Variants in CES3 observed in about 807,000 individuals in gnomAD.
CES3 encodes the protein carboxylesterase 3 (brain).
In CES3, 49 loss-of-function variants were observed where a neutral mutation model predicts 57.6. The ratio of observed to expected loss-of-function variants is 0.85; its 90% confidence interval spans 0.68 to 1.08. The LOEUF is 1.08. Ranked by LOEUF, CES3 falls within the 50% of genes least tolerant of loss-of-function variation. The pLI, the probability that CES3 is intolerant of heterozygous loss-of-function variation, is 0.00. For synonymous variants in CES3, 266 were observed against 281.6 expected, an observed-to-expected ratio of 0.94 and a Z score of 0.55; for missense variants, 645 against 742.0, an observed-to-expected ratio of 0.87 and a Z score of 1.52.
intron 7 of CES3, 24 bp downstream of exon 7, chr16:66,966,369 G>C: frequency 6.2e-7 from 1 of 1,608,236 alleles, no homozygotes; most frequent in East Asian, 2.2e-5. Flanking sequence ...TTTGGGGATG[G>C]TGCCGGGCAA....
chr16:66,961,624 C>T lies in CES3; in HGVS notation c.82+235C>T, dbSNP rs71647885. Among the ~76,000 whole-genome samples, 8 of 152,218 alleles carry T rather than the reference C, an allele frequency of 5.3e-5. No homozygotes were observed. In the East Asian group the frequency reaches 1.6e-3, roughly 30 times the overall value. ...TGTTACCCAGGCTGGAGTGCAATGG[C>T]GCGATCTCGGCTCACTGCAACCTCC... On this transcript the variant is annotated intron_variant, in intron 1 of 12. Coordinates refer to ENST00000303334, the MANE Select transcript of CES3 (RefSeq NM_024922.6).
chr16:66,964,448 G>A lies in CES3; in HGVS notation c.652G>A (p.Gly218Ser). 5 of 1,614,138 alleles carry A rather than the reference G, an allele frequency of 3.1e-6. No individual in the cohort carries two copies. Among genetic ancestry groups the A allele is most frequent in the Non-Finnish European group, 4.2e-6 (5 of 1,180,000 alleles). ...GCAAGAAAACATCGCCCCCTTCGGG[G>A]GTGACCTCAACTGTGTCACTGTCTT... ...WVQENIAPFG[G>S]DLNCVTVFGG... is the part of the protein sequence containing the mutation. Residue 218 changes from glycine to serine, a missense_variant, in exon 5 of 13, where the codon GGT becomes AGT. By Grantham distance (56) the Gly-to-Ser change is moderately conservative. Transcript: ENST00000303334.
chr16:66,971,094 G>A (rs1475796434), intron 9 of CES3, 78 bp from the exon 10 acceptor site: 1 of 1,490,586 alleles, frequency 6.7e-7, no homozygotes, highest in Non-Finnish European at 9.1e-7. Context: ...AAGCTATGCT[G>A]GAGAGTTTGG....
chr16:66,968,181 T>G (rs545379661), intron 8 of CES3, among the ~76,000 whole-genome samples: 4 of 152,134 alleles, frequency 2.6e-5, no homozygotes, highest in Non-Finnish European at 4.4e-5. Context: ...GTTTTTGAGA[T>G]GGAGTTTTGC....
At position 66,971,333 on chromosome 16, in the gene CES3, T is replaced by C; in HGVS notation, c.1291+14T>C. 6.2e-7 allele frequency: 1 copy of C among 1,609,324 alleles called. No individual in the cohort carries two copies. Among genetic ancestry groups the C allele is most frequent in the Non-Finnish European group, 8.5e-7 (1 of 1,176,826 alleles). Reference sequence around the variant, plus strand: ...GATACCTTCGAGGTAAGCCTGTCCCTGGCCACCTGCCCAACCCCTCCCACT... The same window carrying C: ...GATACCTTCGAGGTAAGCCTGTCCCCGGCCACCTGCCCAACCCCTCCCACT... On this transcript the variant is annotated intron_variant, in intron 10 of 12. Coordinates refer to ENST00000303334, the MANE Select transcript of CES3 (RefSeq NM_024922.6).
Position 66,969,766 on chromosome 16 carries a change from C to A in CES3, c.1143+7C>A. 1.2e-6 allele frequency: 2 copies of A among 1,609,384 alleles called. No individual in the cohort carries two copies. The highest frequency in any genetic ancestry group is 1.7e-6 in the Non-Finnish European group (2 of 1,177,778). ...ACCCGTCTTGACCAGTCTGGTGAGACAAGAGGCAGGAGGGAGGAAGCTAGG... is the reference window on the plus strand; with the variant it reads ...ACCCGTCTTGACCAGTCTGGTGAGAAAAGAGGCAGGAGGGAGGAAGCTAGG... On this transcript the variant is annotated splice_region_variant and intron_variant, in intron 9 of 12. Transcript: ENST00000303334.
intron 6 of CES3, 108 bp from the exon 7 acceptor site, chr16:66,966,136 C>T: frequency 1.0e-6 from 1 of 958,286 alleles, no homozygotes; most frequent in Non-Finnish European, 1.6e-6. Context: ...CGATCTGTGA[C>T]ATCACATCCA....
Position 66,964,738 on chromosome 16 carries a change from C to T in CES3, c.819+11C>T, listed in dbSNP as rs1206174014. The T allele has an allele frequency of 5.0e-6, 8 of 1,608,442 alleles. No individual in the cohort carries two copies. The highest frequency in any genetic ancestry group is 2.7e-5 in the African/African-American group (2 of 74,824). Reference sequence around the variant, plus strand: ...TGGCCCCTAGCTCAGGTCTGTATTTCCTTCCCTCTCTTACTCTATGTGTGC... The same window carrying T: ...TGGCCCCTAGCTCAGGTCTGTATTTTCTTCCCTCTCTTACTCTATGTGTGC... On this transcript the variant is annotated intron_variant, in intron 6 of 12. Transcript: ENST00000303334.
intron 6 of CES3, 42 bp from the exon 7 acceptor site, chr16:66,966,202 G>T: frequency 1.3e-6 from 2 of 1,578,624 alleles, no homozygotes; most frequent in South Asian, 2.2e-5. Flanking sequence ...AGGTGGGGCT[G>T]AGTGGCTGAG....
chr16:66,970,433 T>C (rs1469598032), intron 9 of CES3, among the ~76,000 whole-genome samples: 1 of 152,202 alleles, frequency 6.6e-6, no homozygotes, highest in Non-Finnish European at 1.5e-5. Context: ...AGAGGAATTC[T>C]CGCTAGCCCC....
chr16:66,967,791 T>C, intron 8 of CES3: 4 of 979,926 alleles, frequency 4.1e-6, no homozygotes, highest in Non-Finnish European at 4.8e-6. Flanking sequence ...AGACAGAGCC[T>C]CGATCCATCA....
At position 66,973,090 on chromosome 16, in the gene CES3, C is replaced by A; in HGVS notation, c.*41C>A. ...TTCTTGGCTGGGGCAAACCACTCTT[C>A]AAGTGGTGGCAGAGTCCCAGCACGG... On this transcript the variant is annotated 3_prime_UTR_variant, in exon 13 of 13. Transcript: ENST00000303334. 1.3e-6 allele frequency: 2 copies of A among 1,566,938 alleles called. No homozygotes were observed. Among genetic ancestry groups the A allele is most frequent in the South Asian group, 2.2e-5 (2 of 89,102 alleles).
intron 8 of CES3, chr16:66,967,829 A>C: frequency 4.4e-6 from 4 of 901,902 alleles, no homozygotes; most frequent in Non-Finnish European, 5.3e-6. Flanking sequence ...CAGCGCCATC[A>C]TGACTCTCTA....
At chr16:66,964,533 T>C (rs1379368908) in intron 5 of CES3, 23 bp downstream of exon 5, 2 of 1,613,220 alleles carry the variant, frequency 1.2e-6, no homozygotes, top group East Asian at 4.5e-5. Flanking sequence ...AGGGGGCTAG[T>C]GATGGTGGCC....
Position 66,964,435 on chromosome 16 carries a change from C to T in CES3, c.639C>T (p.Ile213=), listed in dbSNP as rs751671126. 56 of 1,614,012 alleles carry T rather than the reference C, an allele frequency of 3.5e-5. 2 individuals carry two copies. Among genetic ancestry groups the T allele is most frequent in the South Asian group, 2.7e-4 (25 of 91,088 alleles). ...CTTTGCGCTGGGTGCAAGAAAACATCGCCCCCTTCGGGGGTGACCTCAACT... is the reference window on the plus strand; with the variant it reads ...CTTTGCGCTGGGTGCAAGAAAACATTGCCCCCTTCGGGGGTGACCTCAACT... The part of the protein sequence containing the change: ...VAALRWVQEN[I]APFGGDLNCV... Residue 213 remains isoleucine, a synonymous_variant, in exon 5 of 13, where the codon ATC becomes ATT. Coordinates refer to ENST00000303334, the MANE Select transcript of CES3 (RefSeq NM_024922.6).
chr16:66,963,316 C>T lies in CES3; in HGVS notation c.220C>T (p.Arg74Trp), dbSNP rs746008353. The change falls in exon 2 of 13, where the codon CGG becomes TGG. Residue 74 changes from arginine (R) to tryptophan (W), a missense_variant. Transcript: ENST00000303334. The surrounding 1 kb of genome is among the most constrained non-coding windows in gnomAD (Gnocchi z 4.9). ...TGCCCAGCCGCCACTGGGCCCTGAC[C>T]GGTTCTCAGCCCCACACCCAGCACA... ...PFAQPPLGPD[R>W]FSAPHPAQPW... 20 of 1,613,650 alleles carry T rather than the reference C, an allele frequency of 1.2e-5. No individual in the cohort carries two copies. The highest frequency in any genetic ancestry group is 1.6e-4 in the Middle Eastern group (1 of 6,084).
At chr16:66,968,100 CG>C (rs1263551260) in intron 8 of CES3, among the ~76,000 whole-genome samples, 3 of 152,074 alleles carry the variant, frequency 2.0e-5, no homozygotes, top group African/African-American at 7.2e-5. Context: ...ACAAATGGAG[CG>C]TCTCGTTACA....
rs750312026 is a variant in CES3, at chr16:66,963,592, A to G, written c.389A>G (p.Tyr130Cys). The change falls in exon 3 of 13, where the codon TAT (tyrosine) becomes TGT (cysteine). Residue 130 changes from tyrosine (Y) to cysteine (C), a missense_variant. Coordinates refer to ENST00000303334, the MANE Select transcript of CES3 (RefSeq NM_024922.6). This position sits in a 1 kb window ranked among gnomAD's most constrained non-coding sequence, Gnocchi z 4.9. ...VSEDCLVLNV[Y>C]SPAEVPAGSG... is the part of the protein sequence containing the mutation. Reference sequence around the variant, plus strand: ...GAGGACTGCCTGGTCCTCAACGTCTATAGCCCAGCTGAGGTCCCCGCAGGG... The same window carrying G: ...GAGGACTGCCTGGTCCTCAACGTCTGTAGCCCAGCTGAGGTCCCCGCAGGG... 8 of 1,614,198 alleles carry G rather than the reference A, an allele frequency of 5.0e-6. No homozygotes were observed. The highest frequency in any genetic ancestry group is 1.7e-5 in the Admixed American group (1 of 60,022).
rs1963904853 is a variant in CES3, at chr16:66,974,563, CT to C, written c.*1515del. 1 of 162,268 alleles carries C rather than the reference CT, an allele frequency of 6.2e-6. No individual in the cohort carries two copies. The highest frequency in any genetic ancestry group is 1.4e-5 in the Non-Finnish European group (1 of 73,934). The allele number at this position is 162,268 out of a possible 1,614,324, so 10.1% of individuals were successfully genotyped here. A position where few individuals can be genotyped will look rare whatever the true frequency, so the allele number is the denominator to read the frequency against. Reference sequence around the variant, plus strand: ...GAGCCTCCCCAAGGAGCGCCGCCCCCTGCTCCACAGCGCCCAGTCCCATCGA... The same window carrying C: ...GAGCCTCCCCAAGGAGCGCCGCCCCCGCTCCACAGCGCCCAGTCCCATCGA... On this transcript the variant is annotated 3_prime_UTR_variant, in exon 13 of 13. Transcript: ENST00000303334.
Sources: gnomAD v4.1 joint callset for allele counts (sites outside exome capture counted in the v4.1 genomes callset) on GRCh38, gnomAD v4.1.1 for gene constraint, Gnocchi (gnomAD v3.1) non-coding constraint, MANE v1.5 for transcripts, NCBI Gene and HGNC (gene_info 2026-07-23, HGNC 2026-07-21) for gene names.